AFF3: variants seen among roughly 807,000 people sequenced by gnomAD.
AFF3 encodes the protein AF4/FMR2 family member 3.
A neutral mutation model predicts 129.7 loss-of-function variants in AFF3; 32 were observed. The ratio of observed to expected loss-of-function variants is 0.25; its 90% confidence interval spans 0.19 to 0.33. AFF3 has a LOEUF of 0.33. Among genes scored for constraint, AFF3 ranks in the 10% least tolerant of loss-of-function variants. The probability of loss-of-function intolerance (pLI) is 1.00; values close to 1 mark genes in which losing one functional copy is unlikely to be tolerated. For missense variants in AFF3, 1,373 were observed against 1,592.0 expected, an observed-to-expected ratio of 0.86 and a Z score of 2.34; for synonymous variants, 644 against 635.4, an observed-to-expected ratio of 1.01 and a Z score of -0.20.
intron 11 of AFF3, among the ~76,000 whole-genome samples, chr2:99,710,002 C>G (rs1211914981): frequency 6.6e-6 from 1 of 152,192 alleles, no homozygotes; most frequent in African/African-American, 2.4e-5. Context: ...AGTCAAACAC[C>G]TCTGGGGTAA....
chr2:100,108,524 C>T (rs1691399191), intron 2 of AFF3, among the ~76,000 whole-genome samples: 1 of 152,088 alleles, frequency 6.6e-6, no homozygotes, highest in African/African-American at 2.4e-5. Context: ...TGTGCCCCTC[C>T]CCCCAGCCTG....
chr2:99,728,717 T>G (rs578243848), intron 10 of AFF3, among the ~76,000 whole-genome samples: 1 of 152,192 alleles, frequency 6.6e-6, no homozygotes, highest in Non-Finnish European at 1.5e-5. Flanking sequence ...CCACAAAATC[T>G]ATTTTAACTG....
At position 99,590,536 on chromosome 2, in the gene AFF3, C is replaced by T. The variant is rs377407322; in HGVS notation, c.2466+2659G>A. Among the ~76,000 whole-genome samples the T allele has an allele frequency of 3.1e-4, 47 of 152,248 alleles. 1 individual carries two copies. The highest frequency in any genetic ancestry group is 1.1e-3 in the African/African-American group (45 of 41,528). ...AAAAGCTGGACCTGCAGGAGGGAAA[C>T]GGTAAAGACAGGATTTGAAGTCAGG... On this transcript the variant is annotated intron_variant, in intron 15 of 24. Coordinates refer to ENST00000672756, the MANE Select transcript of AFF3 (RefSeq NM_001386135.1).
At chr2:99,778,012 G>C (rs1575952936) in intron 8 of AFF3, among the ~76,000 whole-genome samples, 1 of 151,390 alleles carries the variant, frequency 6.6e-6, no homozygotes, top group East Asian at 1.9e-4. Flanking sequence ...AGTTCAAATG[G>C]GCAATGTGCA....
intron 8 of AFF3, among the ~76,000 whole-genome samples, chr2:99,765,836 T>C (rs1682964403): frequency 6.6e-6 from 1 of 152,198 alleles, no homozygotes; most frequent in African/African-American, 2.4e-5. Context: ...AATAAAAATG[T>C]GCTTATTAAA....
At chr2:100,055,868 A>G (rs1686725901) in intron 4 of AFF3, among the ~76,000 whole-genome samples, 1 of 152,060 alleles carries the variant, frequency 6.6e-6, no homozygotes, top group South Asian at 2.1e-4. Flanking sequence ...TCTGTTCATC[A>G]CCCAGTTTTA....
intron 4 of AFF3, among the ~76,000 whole-genome samples, chr2:100,031,926 T>A (rs1573189562): frequency 6.6e-6 from 1 of 152,362 alleles, no homozygotes; most frequent in African/African-American, 2.4e-5. Flanking sequence ...TCTTTAAGAA[T>A]TACAGCTATA....
intron 16 of AFF3, among the ~76,000 whole-genome samples, chr2:99,586,212 C>T (rs1257374645): frequency 1.3e-5 from 2 of 152,158 alleles, no homozygotes; most frequent in African/African-American, 2.4e-5. Context: ...TTCCCCTTTC[C>T]CAATATTTTG....
chr2:100,007,185 C>A lies in AFF3; in HGVS notation c.450G>T (p.Lys150Asn), dbSNP rs749464429. 6.2e-7 allele frequency: 1 copy of A among 1,614,204 alleles called. No homozygotes were observed. Among genetic ancestry groups the A allele is most frequent in the South Asian group, 1.1e-5 (1 of 91,084 alleles). ...QSKRGTMGWQ[K>N]AGHPPSDGQQ... ...GGCCGTCAGAGGGTGGGTGCCCAGC[C>A]TTCTGCCAGCCCATAGTGCCTCTCT... Residue 150 changes from lysine (K) to asparagine (N), a missense_variant, in exon 6 of 25, where the codon AAG becomes AAT. Physicochemically the swap from Lys to Asn is moderately conservative, Grantham distance 94. Transcript: ENST00000672756.
chr2:100,031,190 C>T (rs187951326), intron 4 of AFF3, among the ~76,000 whole-genome samples: 4 of 152,152 alleles, frequency 2.6e-5, no homozygotes, highest in Admixed American at 2.0e-4. Flanking sequence ...AGCTGTTTCC[C>T]GATGGAAGTA....
intron 4 of AFF3, among the ~76,000 whole-genome samples, chr2:100,015,358 T>C (rs1334916000): frequency 6.6e-6 from 1 of 152,038 alleles, no homozygotes; most frequent in Non-Finnish European, 1.5e-5. Flanking sequence ...TTCAGATACT[T>C]TGAGACCTGA....
chr2:99,947,561 AAG>A lies in AFF3; in HGVS notation c.873+59069_873+59070del, dbSNP rs201522706. Among the ~76,000 whole-genome samples the A allele has an allele frequency of 1.0e-4, 14 of 140,622 alleles. 1 individual carries two copies. Among genetic ancestry groups the A allele is most frequent in the African/African-American group, 4.0e-4 (14 of 34,672 alleles). The allele number at this position is 140,622 out of a possible 152,430, so 92.3% of individuals were successfully genotyped here. The stretch of plus-strand genomic sequence containing the variant: ...AAAAAGAGAGAAAGAAAGAGAGAGA[AAG>A]AGAAAGAAAGAAAAGAAAAGAAAGA... On this transcript the variant is annotated intron_variant, in intron 7 of 24. Coordinates refer to ENST00000672756, the MANE Select transcript of AFF3 (RefSeq NM_001386135.1).
Position 99,992,801 on chromosome 2 carries a change from T to G in AFF3, c.873+13831A>C, listed in dbSNP as rs1451019759. On this transcript the variant is annotated intron_variant, in intron 7 of 24. Coordinates refer to ENST00000672756, the MANE Select transcript of AFF3 (RefSeq NM_001386135.1). ...AGATAAACCCTTAAATAACCACTGA[T>G]ATAAAATAATGACAACTGTAAGGCA... Among the ~76,000 whole-genome samples, 3 of 152,196 alleles carry G rather than the reference T, an allele frequency of 2.0e-5. No homozygotes were observed. The East Asian group carries it at 5.8e-4, about 29-fold the overall frequency.
At chr2:99,780,280 G>T (rs551991745) in intron 8 of AFF3, among the ~76,000 whole-genome samples, 2 of 152,208 alleles carry the variant, frequency 1.3e-5, no homozygotes, top group African/African-American at 4.8e-5. Flanking sequence ...TCAGTTTCCC[G>T]CCTACTGAAC....
chr2:99,767,814 A>G (rs549811771), intron 8 of AFF3, among the ~76,000 whole-genome samples: 157 of 152,302 alleles, frequency 1.0e-3, no homozygotes, highest in African/African-American at 3.6e-3. Flanking sequence ...GTGCGGTGGC[A>G]GGCACCTGTA....
intron 18 of AFF3, among the ~76,000 whole-genome samples, chr2:99,573,741 G>A (rs1282804971): frequency 2.0e-5 from 3 of 152,178 alleles, no homozygotes; most frequent in Admixed American, 6.5e-5. Context: ...CTCACTGTCG[G>A]GAGGTTCAGG....
chr2:99,894,630 G>A (rs887840502), intron 7 of AFF3, among the ~76,000 whole-genome samples: 7 of 151,730 alleles, frequency 4.6e-5, no homozygotes, highest in African/African-American at 9.7e-5. Flanking sequence ...CACCACGCCC[G>A]GCTAATTTTT....
chr2:99,999,913 C>A (rs1681224345), intron 7 of AFF3, among the ~76,000 whole-genome samples: 1 of 152,188 alleles, frequency 6.6e-6, no homozygotes, highest in Non-Finnish European at 1.5e-5. Context: ...GTCAGTATCA[C>A]TTCCAGAGGC....
chr2:99,909,536 C>G (rs1694974004), intron 7 of AFF3, among the ~76,000 whole-genome samples: 1 of 151,510 alleles, frequency 6.6e-6, no homozygotes. Flanking sequence ...AGCACACCAA[C>G]ATGGCACATG....
Sources: gnomAD v4.1 joint callset for allele counts (sites outside exome capture counted in the v4.1 genomes callset) on GRCh38, gnomAD v4.1.1 for gene constraint, MANE v1.5 for transcripts, NCBI Gene and HGNC (gene_info 2026-07-23, HGNC 2026-07-21) for gene names.